Variants in TMEM255B observed in about 807,000 individuals in gnomAD.
The protein encoded by TMEM255B is family with sequence similarity 70, member B.
Under a neutral mutation model 34.5 loss-of-function variants are expected in TMEM255B, and 35 were observed. The observed-to-expected ratio is 1.01, with a 90% CI of 0.77 to 1.34. The LOEUF (loss-of-function observed/expected upper bound fraction) is 1.34, where lower values mean the gene tolerates loss of function less well. Ranked by LOEUF, TMEM255B falls within the 40% of genes most tolerant of loss-of-function variation. The pLI is 0.00. For missense variants in TMEM255B, 432 were observed against 433.2 expected (o/e 1.00, Z 0.02); for synonymous variants, 206 against 201.2 (o/e 1.02, Z -0.20).
rs779934305 is a variant in TMEM255B at position 113,801,668 on chromosome 13, C to T, written c.525C>T (p.Pro175=). 1.7e-5 allele frequency: 28 copies of T among 1,610,232 alleles called. No individual in the cohort carries two copies. The highest frequency in any genetic ancestry group is 8.4e-5 in the Admixed American group (5 of 59,736). The change falls in exon 7 of 9, where the codon CCC becomes CCT. Residue 175 remains proline (P), a synonymous_variant. Transcript: ENST00000375353. ...LYACGSAEPS[P]AYYEFIGVSG... ...CTCTGTGCAGCGCAGAGCCCTCGCCCGCCTACTATGAGTTCATCGGCGTCA... is the reference window on the plus strand; with the variant it reads ...CTCTGTGCAGCGCAGAGCCCTCGCCTGCCTACTATGAGTTCATCGGCGTCA...
intron 3 of TMEM255B, among the ~76,000 whole-genome samples, chr13:113,775,227 CAT>C (rs2050556760): frequency 6.6e-6 from 1 of 152,030 alleles, no homozygotes. Flanking sequence ...ACACACCACA[CAT>C]ACTATACACA....
At chr13:113,777,134 TG>T (rs1285325313) in intron 3 of TMEM255B, among the ~76,000 whole-genome samples, 2 of 152,144 alleles carry the variant, frequency 1.3e-5, no homozygotes, top group African/African-American at 4.8e-5. Flanking sequence ...GAATTTCTCA[TG>T]GAAAGCCACA....
rs2051356046 is a variant in TMEM255B, at chr13:113,812,997, G to GGACA, written c.*1095_*1096insACAG. The GGACA allele has an allele frequency of 2.7e-5, 3 of 111,904 alleles. No homozygotes were observed. Among genetic ancestry groups the GGACA allele is most frequent in the Admixed American group, 9.4e-5 (1 of 10,658 alleles). The allele number at this position is 111,904 out of a possible 1,614,324, so 6.9% of individuals were successfully genotyped here. A position where few individuals can be genotyped will look rare whatever the true frequency, so the allele number is the denominator to read the frequency against. ...GGGTCACGGGTCCCGGGTGGGTCACGGGTCCCGAGTGGGTCACGGGTCCCG... is the reference window on the plus strand; with the variant it reads ...GGGTCACGGGTCCCGGGTGGGTCACGGACAGGTCCCGAGTGGGTCACGGGTCCCG... On this transcript the variant is annotated 3_prime_UTR_variant, in exon 9 of 9. Transcript: ENST00000375353.
chr13:113,801,738 T>C lies in TMEM255B; in HGVS notation c.595T>C (p.Ser199Pro), dbSNP rs1792897944. The C allele has an allele frequency of 1.2e-6, 2 of 1,613,076 alleles. No homozygotes were observed. The highest frequency in any genetic ancestry group is 1.7e-6 in the Non-Finnish European group (2 of 1,179,758). ...VLHLYRLLWA[S>P]AVLNVLGLFL... ...GCACCTGTACCGCCTGCTCTGGGCC[T>C]CTGCAGTTCTGAACGTCCTGGGCCT... The change falls in exon 7 of 9, where the codon TCT (serine) becomes CCT (proline). Residue 199 changes from serine to proline, a missense_variant. Ser to Pro is a moderately conservative substitution (Grantham distance 74). Transcript: ENST00000375353.
chr13:113,795,154 G>A lies in TMEM255B; in HGVS notation c.259G>A (p.Ala87Thr), dbSNP rs1271472902. The part of the protein sequence containing the change: ...LVENRRQMLV[A>T]AIVFISFGVV... Reference sequence around the variant, plus strand: ...ACCTCTCCTTCTGTTGCAGCTGGTGGCAGCGATCGTGTTTATCAGTTTTGG... The same window carrying A: ...ACCTCTCCTTCTGTTGCAGCTGGTGACAGCGATCGTGTTTATCAGTTTTGG... The change falls in exon 4 of 9, where the codon GCA becomes ACA. Residue 87 changes from alanine (A) to threonine (T), a missense_variant. Transcript: ENST00000375353. The A allele has an allele frequency of 1.2e-6, 2 of 1,613,898 alleles. No homozygotes were observed. Among genetic ancestry groups the A allele is most frequent in the Admixed American group, 3.3e-5 (2 of 60,016 alleles).
At chr13:113,778,208 G>A (rs1247517620) in intron 3 of TMEM255B, among the ~76,000 whole-genome samples, 1 of 152,226 alleles carries the variant, frequency 6.6e-6, no homozygotes, top group Non-Finnish European at 1.5e-5. Context: ...CAGGAATCAC[G>A]TGATTTTGGA....
intron 7 of TMEM255B, among the ~76,000 whole-genome samples, 189 bp downstream of exon 7, chr13:113,802,001 A>G (rs1278962378): frequency 6.6e-6 from 1 of 152,202 alleles, no homozygotes; most frequent in African/African-American, 2.4e-5. Context: ...TCCTGTCCCA[A>G]GCCTGTCACA....
chr13:113,781,821 C>T (rs1023330926), intron 3 of TMEM255B, among the ~76,000 whole-genome samples: 11 of 152,234 alleles, frequency 7.2e-5, no homozygotes, highest in Admixed American at 5.9e-4. Context: ...CTACCACATG[C>T]CTTGACTTTC....
chr13:113,767,471 A>G (rs1232058629), intron 2 of TMEM255B, among the ~76,000 whole-genome samples: 1 of 152,256 alleles, frequency 6.6e-6, no homozygotes, highest in Admixed American at 6.5e-5. Context: ...GCGAAACATC[A>G]AGATCAGCCT....
intron 3 of TMEM255B, among the ~76,000 whole-genome samples, chr13:113,785,416 C>G (rs113330651): frequency 6.6e-6 from 1 of 152,212 alleles, no homozygotes; most frequent in Non-Finnish European, 1.5e-5. Context: ...CTTCCCTCAC[C>G]CCCAGCTGCG....
chr13:113,787,281 T>C (rs765906468), intron 3 of TMEM255B, among the ~76,000 whole-genome samples: 4 of 152,238 alleles, frequency 2.6e-5, no homozygotes, highest in Non-Finnish European at 5.9e-5. Context: ...TTATCACTTA[T>C]TTATTAGCAT....
rs577692426 is a variant in TMEM255B at position 113,815,371 on chromosome 13, G to A, written c.*3468G>A. 7 of 151,462 alleles carry A rather than the reference G, an allele frequency of 4.6e-5. No individual in the cohort carries two copies. The highest frequency in any genetic ancestry group is 1.3e-4 in the Admixed American group (2 of 15,110). 9.4% of individuals were successfully genotyped at this position (151,462 alleles called of 1,614,324 possible). A position where few individuals can be genotyped will look rare whatever the true frequency, so the allele number is the denominator to read the frequency against. On this transcript the variant is annotated 3_prime_UTR_variant, in exon 9 of 9. Transcript: ENST00000375353. ...GAGGAAGGGACATGGGTGACGGTCC[G>A]TCCACATGGGGTCACCGGCCACGGA...
intron 4 of TMEM255B, among the ~76,000 whole-genome samples, chr13:113,795,862 T>C (rs1374711850): frequency 3.9e-5 from 3 of 76,326 alleles, no homozygotes; most frequent in Admixed American, 1.9e-4. Flanking sequence ...ACACACACCA[T>C]AAGAGTACAC....
intron 5 of TMEM255B, chr13:113,800,093 T>TG (rs2051016601): frequency 1.8e-6 from 2 of 1,109,998 alleles, no homozygotes; most frequent in African/African-American, 1.9e-5. Context: ...TGTGTGTGTG[T>TG]GTGGGGGGGG....
rs1272152866 is a variant in TMEM255B, at chr13:113,809,138, G to A, written c.814-2598G>A. Among the ~76,000 whole-genome samples, 4 of 130,940 alleles carry A rather than the reference G, an allele frequency of 3.1e-5. No homozygotes were observed. The East Asian group carries it at 7.2e-4, about 24-fold the overall frequency. 85.9% of individuals were successfully genotyped at this position (130,940 alleles called of 152,430 possible). Reference sequence around the variant, plus strand: ...CTTAACTCTGTGGTTCCTGGGGGGAGGGGTTACTCTGTGGTTCCTGGGAGT... The same window carrying A: ...CTTAACTCTGTGGTTCCTGGGGGGAAGGGTTACTCTGTGGTTCCTGGGAGT... On this transcript the variant is annotated intron_variant, in intron 8 of 8. Transcript: ENST00000375353.
chr13:113,802,131 A>C (rs1402128789), intron 7 of TMEM255B, among the ~76,000 whole-genome samples: 1 of 152,230 alleles, frequency 6.6e-6, no homozygotes, highest in Non-Finnish European at 1.5e-5. Context: ...ATCATTAGCA[A>C]CTGCCTGGGG....
At chr13:113,811,666 T>C in intron 8 of TMEM255B, 70 bp from the exon 9 acceptor site, 1 of 1,581,060 alleles carries the variant, frequency 6.3e-7, no homozygotes, top group South Asian at 1.1e-5. Context: ...CTGGTATATG[T>C]CAGGCTTCCC....
chr13:113,811,005 G>T (rs1363127144), intron 8 of TMEM255B, among the ~76,000 whole-genome samples: 1 of 152,152 alleles, frequency 6.6e-6, no homozygotes, highest in Non-Finnish European at 1.5e-5. Flanking sequence ...GTGGGATGTG[G>T]TCTGAGGACA....
In TMEM255B at chr13:113,795,135, C is replaced by A; in HGVS notation, c.253-13C>A. The A allele has an allele frequency of 6.2e-7, 1 of 1,613,578 alleles. No homozygotes were observed. The highest frequency in any genetic ancestry group is 1.1e-5 in the South Asian group (1 of 91,030). On this transcript the variant is annotated splice_polypyrimidine_tract_variant and intron_variant, in intron 3 of 8. Coordinates refer to ENST00000375353, the MANE Select transcript of TMEM255B (RefSeq NM_182614.4). ...GTAAAAGCTGGGCACCCACACCTCT[C>A]CTTCTGTTGCAGCTGGTGGCAGCGA...
Sources: gnomAD v4.1 joint callset for allele counts (sites outside exome capture counted in the v4.1 genomes callset) on GRCh38, gnomAD v4.1.1 for gene constraint, MANE v1.5 for transcripts, NCBI Gene and HGNC (gene_info 2026-07-23, HGNC 2026-07-21) for gene names.